SNX24: variants seen among roughly 807,000 people sequenced by gnomAD.
SNX24 encodes the protein sorting nexin 24, also known as sorting nexin-24.
SNX24 carries 22 observed loss-of-function variants against 28.7 expected under a neutral mutation model. The ratio of observed to expected loss-of-function variants is 0.77; its 90% CI spans 0.55 to 1.10. The LOEUF (loss-of-function observed/expected upper bound fraction) is 1.10. Ranked by LOEUF, SNX24 falls within the 50% of genes least tolerant of loss-of-function variation. The pLI, the probability that SNX24 is intolerant of heterozygous loss-of-function variation, is 0.00. For synonymous variants in SNX24, 69 were observed against 71.5 expected, an observed-to-expected ratio of 0.96 and a Z score of 0.18; for missense variants, 221 against 201.1, an observed-to-expected ratio of 1.10 and a Z score of -0.60.
At chr5:122,916,191 G>A (rs1238312376) in intron 1 of SNX24, among the ~76,000 whole-genome samples, 1 of 152,222 alleles carries the variant, frequency 6.6e-6, no homozygotes, top group African/African-American at 2.4e-5. Flanking sequence ...AAAACACACA[G>A]ACTTTCCACT....
intron 5 of SNX24, chr5:123,028,414 G>T (rs34675653): frequency 0.027 from 4,944 of 180,302 alleles, 86 homozygotes; most frequent in Non-Finnish European, 0.037. Flanking sequence ...CACCTCTGCC[G>T]CACGCTGCCA....
chr5:122,852,110 C>CTATCTA (rs375519224), intron 1 of SNX24, among the ~76,000 whole-genome samples: 4,874 of 150,008 alleles, frequency 0.032, 210 homozygotes, highest in African/African-American at 0.098. Context: ...ACACACATAT[C>CTATCTA]TATCTATATC....
intron 1 of SNX24, among the ~76,000 whole-genome samples, chr5:122,894,346 A>G (rs749260644): frequency 1.1e-4 from 17 of 152,002 alleles, no homozygotes; most frequent in Non-Finnish European, 1.9e-4. Flanking sequence ...ATATATCTCC[A>G]TCTCTTGTTA....
At chr5:123,028,252 G>A (rs1463154353) in intron 5 of SNX24, among the ~76,000 whole-genome samples, 1 of 152,138 alleles carries the variant, frequency 6.6e-6, no homozygotes, top group Non-Finnish European at 1.5e-5. Flanking sequence ...CTTTTTTGCA[G>A]GTTAAATCTT....
intron 1 of SNX24, among the ~76,000 whole-genome samples, chr5:122,913,981 G>A (rs771101746): frequency 1.3e-5 from 2 of 152,180 alleles, no homozygotes; most frequent in Non-Finnish European, 2.9e-5. Flanking sequence ...GTGGCGGCGC[G>A]CACCTGCAAT....
chr5:122,965,240 G>C (rs143021854), intron 3 of SNX24, among the ~76,000 whole-genome samples: 6 of 152,290 alleles, frequency 3.9e-5, no homozygotes, highest in Non-Finnish European at 8.8e-5. Context: ...CCAACAACAA[G>C]GGAATTTTCC....
chr5:122,997,801 C>G lies in SNX24; in HGVS notation c.250-2111C>G, dbSNP rs183684801. ...AGATAAGAATGTTATACCCTCCCCTCTTTTTTTAAATCTGAAAGCAACCAC... is the reference window on the plus strand; with the variant it reads ...AGATAAGAATGTTATACCCTCCCCTGTTTTTTTAAATCTGAAAGCAACCAC... On this transcript the variant is annotated intron_variant, in intron 3 of 6. Coordinates refer to ENST00000261369, the MANE Select transcript of SNX24 (RefSeq NM_014035.4). Among the ~76,000 whole-genome samples the G allele has an allele frequency of 2.3e-3, 352 of 152,192 alleles. 3 individuals are homozygous for G. Among genetic ancestry groups the G allele is most frequent in the African/African-American group, 8.3e-3 (343 of 41,524 alleles).
At chr5:122,990,491 G>C (rs572263538) in intron 3 of SNX24, among the ~76,000 whole-genome samples, 1 of 152,302 alleles carries the variant, frequency 6.6e-6, no homozygotes, top group South Asian at 2.1e-4. Flanking sequence ...AAAGTGTACA[G>C]TATGTAAAGA....
At chr5:122,913,774 G>A (rs1248726466) in intron 1 of SNX24, among the ~76,000 whole-genome samples, 1 of 152,162 alleles carries the variant, frequency 6.6e-6, no homozygotes, top group Admixed American at 6.5e-5. Flanking sequence ...GGAGGTGGAG[G>A]TTGTAGCGAG....
At chr5:122,885,871 A>T (rs1044355143) in intron 1 of SNX24, among the ~76,000 whole-genome samples, 1 of 152,140 alleles carries the variant, frequency 6.6e-6, no homozygotes, top group Admixed American at 6.5e-5. Context: ...TCCACCTCAG[A>T]TCATCAGGCA....
At chr5:122,983,653 G>A (rs1761479290) in intron 3 of SNX24, among the ~76,000 whole-genome samples, 1 of 152,168 alleles carries the variant, frequency 6.6e-6, no homozygotes, top group Non-Finnish European at 1.5e-5. Flanking sequence ...GCCCTGGCTG[G>A]AGTGCAGTGG....
chr5:122,908,346 G>A (rs1757737707), intron 1 of SNX24, among the ~76,000 whole-genome samples: 3 of 152,216 alleles, frequency 2.0e-5, no homozygotes, highest in African/African-American at 7.2e-5. Context: ...GAGAGGGAAG[G>A]GAGAGAGGAG....
At chr5:122,880,647 A>G (rs1206684555) in intron 1 of SNX24, among the ~76,000 whole-genome samples, 2 of 152,230 alleles carry the variant, frequency 1.3e-5, no homozygotes, top group Non-Finnish European at 2.9e-5. Context: ...ATCAGAAAAG[A>G]ACAATGTTTT....
chr5:122,979,725 G>A (rs1761316131), intron 3 of SNX24, among the ~76,000 whole-genome samples: 1 of 152,096 alleles, frequency 6.6e-6, no homozygotes, highest in African/African-American at 2.4e-5. Context: ...TCCTGCCTTC[G>A]GGGTAAAATT....
Position 122,999,985 on chromosome 5 carries a change from T to C in SNX24, c.323T>C (p.Leu108Pro). ...CTAAATGTGCGACACTTGCCCTCTC[T>C]ACCAAAGGCAGAAAGTTGTGGGTAA... ...DFLNVRHLPS[L>P]PKAESCGSFD... is the part of the protein sequence containing the mutation. Residue 108 changes from leucine to proline, a missense_variant, in exon 4 of 7, where the codon CTA (leucine) becomes CCA (proline). By Grantham distance (98) the Leu-to-Pro change is moderately conservative (BLOSUM62 -3). Transcript: ENST00000261369. 2 of 1,610,010 alleles carry C rather than the reference T, an allele frequency of 1.2e-6. No individual in the cohort carries two copies. Among genetic ancestry groups the C allele is most frequent in the Non-Finnish European group, 8.5e-7 (1 of 1,176,270 alleles).
At chr5:122,896,918 T>C (rs1757228780) in intron 1 of SNX24, among the ~76,000 whole-genome samples, 1 of 152,238 alleles carries the variant, frequency 6.6e-6, no homozygotes, top group South Asian at 2.1e-4. Context: ...ACATAAATGC[T>C]TATGGCTTTT....
intron 1 of SNX24, among the ~76,000 whole-genome samples, chr5:122,874,085 T>G (rs1756115754): frequency 1.3e-5 from 2 of 152,206 alleles, no homozygotes; most frequent in Non-Finnish European, 2.9e-5. Context: ...TCTTTTTATT[T>G]GTGAACACAG....
chr5:122,897,750 GT>G (rs1471672446), intron 1 of SNX24, among the ~76,000 whole-genome samples: 6 of 152,140 alleles, frequency 3.9e-5, no homozygotes, highest in Non-Finnish European at 7.3e-5. Flanking sequence ...AGAATTTTTA[GT>G]TTTCCTGTAA....
At chr5:122,988,911 T>C (rs1761713622) in intron 3 of SNX24, among the ~76,000 whole-genome samples, 1 of 152,218 alleles carries the variant, frequency 6.6e-6, no homozygotes, top group African/African-American at 2.4e-5. Flanking sequence ...ATGCTATTAT[T>C]TGTGTTATGG....
Sources: allele counts gnomAD v4.1 joint callset (sites outside exome capture counted in the v4.1 genomes callset), GRCh38; gene constraint gnomAD v4.1.1; transcripts MANE v1.5; gene names NCBI Gene and HGNC (gene_info 2026-07-23, HGNC 2026-07-21).